Variants in CTDSPL2 observed in about 807,000 individuals in gnomAD.
The protein encoded by CTDSPL2 is CTD small phosphatase like 2.
Under a neutral mutation model 60.0 loss-of-function variants are expected in CTDSPL2, and 5 were observed. The observed-to-expected ratio is 0.08, with a 90% CI of 0.04 to 0.18. The LOEUF (loss-of-function observed/expected upper bound fraction) is 0.18, where lower values mean the gene tolerates loss of function less well. Ranked by LOEUF, CTDSPL2 falls within the 10% of genes least tolerant of loss-of-function variation. The probability of loss-of-function intolerance (pLI) is 1.00; values close to 1 mark genes in which losing one functional copy is unlikely to be tolerated. For synonymous variants in CTDSPL2, 186 were observed against 189.3 expected (o/e 0.98, Z 0.14); for missense variants, 370 against 548.8 (o/e 0.67, Z 3.26).
chr15:44,447,546 T>C, intron 1 of CTDSPL2: 1 of 152,200 alleles, frequency 6.6e-6, no homozygotes, highest in Non-Finnish European at 1.5e-5. Context: ...AAGAAAAAAA[T>C]ACAAAATATT....
At chr15:44,429,587 G>A (rs1031466874) in intron 1 of CTDSPL2, among the ~76,000 whole-genome samples, 8 of 152,188 alleles carry the variant, frequency 5.3e-5, no homozygotes, top group Non-Finnish European at 1.0e-4. Context: ...GTATAAGCTG[G>A]CTGGGTGGGG....
rs553945500 is a variant in CTDSPL2, at chr15:44,454,984, A to T, written c.-24-4007A>T. Among the ~76,000 whole-genome samples the T allele has an allele frequency of 5.5e-4, 83 of 152,262 alleles. 1 individual carries two copies. The South Asian group carries it at 7.0e-3, about 13-fold the overall frequency. On this transcript the variant is annotated intron_variant, in intron 1 of 12. Coordinates refer to ENST00000260327, the MANE Select transcript of CTDSPL2 (RefSeq NM_016396.3). ...TGAAGAAAGTCATTGGTAGCTTGAT[A>T]GGGATGGCATTGAATCTATAAATTA...
Position 44,429,318 on chromosome 15 carries a change from C to T in CTDSPL2, c.-25+1546C>T, listed in dbSNP as rs144709185. ...GAGGTACAGGCACGTTAACTACTTG[C>T]CGAGTCAGTTTATTTAAAAAATGGA... On this transcript the variant is annotated intron_variant, in intron 1 of 12. Coordinates refer to ENST00000260327, the MANE Select transcript of CTDSPL2 (RefSeq NM_016396.3). Among the ~76,000 whole-genome samples, 653 of 152,204 alleles carry T rather than the reference C, an allele frequency of 4.3e-3. 3 individuals are homozygous for T. The highest frequency in any genetic ancestry group is 0.015 in the African/African-American group (632 of 41,530).
intron 1 of CTDSPL2, among the ~76,000 whole-genome samples, chr15:44,438,286 G>A (rs1222091220): frequency 6.6e-6 from 1 of 151,990 alleles, no homozygotes; most frequent in Non-Finnish European, 1.5e-5. Flanking sequence ...AAAGAATGTG[G>A]CAGCAAATAG....
chr15:44,465,976 C>T (rs1016283089), intron 2 of CTDSPL2, among the ~76,000 whole-genome samples: 2 of 151,454 alleles, frequency 1.3e-5, no homozygotes, highest in African/African-American at 4.9e-5. Flanking sequence ...TCACTCTCAC[C>T]CAGGCTGGAG....
At chr15:44,506,189 C>T (rs766594576) in intron 8 of CTDSPL2, among the ~76,000 whole-genome samples, 1 of 151,422 alleles carries the variant, frequency 6.6e-6, no homozygotes, top group Non-Finnish European at 1.5e-5. Context: ...GCTACTGAGG[C>T]CGGCTAATTT....
intron 1 of CTDSPL2, among the ~76,000 whole-genome samples, chr15:44,456,076 T>A: frequency 6.6e-6 from 1 of 151,888 alleles, no homozygotes; most frequent in East Asian, 1.9e-4. Flanking sequence ...GGTCTCGATC[T>A]CCTGACCTCG....
intron 2 of CTDSPL2, among the ~76,000 whole-genome samples, chr15:44,472,548 T>G (rs1235338261): frequency 6.6e-6 from 1 of 152,044 alleles, no homozygotes; most frequent in Non-Finnish European, 1.5e-5. Context: ...AGGTGGTTTT[T>G]TTTTTTTTGG....
chr15:44,455,469 T>A (rs1373044762), intron 1 of CTDSPL2, among the ~76,000 whole-genome samples: 4 of 152,014 alleles, frequency 2.6e-5, no homozygotes, highest in Non-Finnish European at 4.4e-5. Flanking sequence ...TGAATAGGAG[T>A]GGTGAGAGAG....
Position 44,524,235 on chromosome 15 carries a change from C to A in CTDSPL2, c.*61C>A. On this transcript the variant is annotated 3_prime_UTR_variant, in exon 13 of 13. Coordinates refer to ENST00000260327, the MANE Select transcript of CTDSPL2 (RefSeq NM_016396.3). ...AATGCAGGACCCTTTTGGACTAAGACAAAAACATTGCCATTACTGTTGAAA... is the reference window on the plus strand; with the variant it reads ...AATGCAGGACCCTTTTGGACTAAGAAAAAAACATTGCCATTACTGTTGAAA... 7.3e-7 allele frequency: 1 copy of A among 1,374,836 alleles called. No homozygotes were observed. The highest frequency in any genetic ancestry group is 1.0e-6 in the Non-Finnish European group (1 of 967,632). The allele number at this position is 1,374,836 out of a possible 1,614,324, so 85.2% of individuals were successfully genotyped here. A position where few individuals can be genotyped will look rare whatever the true frequency, so the allele number is the denominator to read the frequency against.
chr15:44,429,058 T>G (rs1271721327), intron 1 of CTDSPL2, among the ~76,000 whole-genome samples: 1 of 152,226 alleles, frequency 6.6e-6, no homozygotes, highest in Non-Finnish European at 1.5e-5. Context: ...TTGATATTTA[T>G]AACTCAGGTT....
intron 8 of CTDSPL2, among the ~76,000 whole-genome samples, chr15:44,506,220 G>A (rs1266080792): frequency 1.3e-5 from 2 of 151,464 alleles, no homozygotes; most frequent in African/African-American, 4.9e-5. Flanking sequence ...AGTAGAGATG[G>A]GGTTTTACCC....
chr15:44,512,193 C>T (rs1307387546), intron 8 of CTDSPL2, among the ~76,000 whole-genome samples: 3 of 150,808 alleles, frequency 2.0e-5, no homozygotes, highest in Non-Finnish European at 4.4e-5. Flanking sequence ...GAAACCTTGT[C>T]TTAAAAAAAA....
intron 11 of CTDSPL2, 24 bp downstream of exon 11, chr15:44,519,319 A>G: frequency 6.5e-7 from 1 of 1,536,206 alleles, no homozygotes. Flanking sequence ...TGATAAACAA[A>G]CTCAGATTGG....
intron 8 of CTDSPL2, among the ~76,000 whole-genome samples, chr15:44,509,882 C>T (rs750969530): frequency 6.6e-6 from 1 of 151,930 alleles, no homozygotes. Context: ...GCTGAGACCA[C>T]ACCATTGCAC....
chr15:44,444,300 CAT>C (rs1328731514), intron 1 of CTDSPL2, among the ~76,000 whole-genome samples: 3 of 125,664 alleles, frequency 2.4e-5, no homozygotes, highest in African/African-American at 2.9e-5. Context: ...GAGCTTTTCC[CAT>C]ACACACACAC....
intron 1 of CTDSPL2, among the ~76,000 whole-genome samples, chr15:44,455,227 T>C (rs2080410219): frequency 6.6e-6 from 1 of 152,198 alleles, no homozygotes; most frequent in Non-Finnish European, 1.5e-5. Context: ...TCTCTGTCTG[T>C]TATTGGTGTA....
At chr15:44,472,678 T>A (rs925928849) in intron 2 of CTDSPL2, among the ~76,000 whole-genome samples, 2 of 152,100 alleles carry the variant, frequency 1.3e-5, no homozygotes, top group Non-Finnish European at 2.9e-5. Flanking sequence ...CTTTCCCCAC[T>A]TTTTGGAGAC....
rs1465432769 is a variant in CTDSPL2, at chr15:44,484,289, G to A, written c.252G>A (p.Thr84=). 1 of 1,612,784 alleles carries A rather than the reference G, an allele frequency of 6.2e-7. No individual in the cohort carries two copies. The change falls in exon 3 of 13, where the codon ACG becomes ACA. Residue 84 remains threonine, a synonymous_variant. Coordinates refer to ENST00000260327, the MANE Select transcript of CTDSPL2 (RefSeq NM_016396.3). ...IERDIDNNLI[T]STPRAGEKPN... ...GTGATATAGATAACAATTTGATCAC[G>A]TCAACACCAAGAGCAGGAGAAAAAC...
Sources: gnomAD v4.1 joint callset for allele counts (sites outside exome capture counted in the v4.1 genomes callset) on GRCh38, gnomAD v4.1.1 for gene constraint, MANE v1.5 for transcripts, NCBI Gene and HGNC (gene_info 2026-07-23, HGNC 2026-07-21) for gene names.